Variants in TNNI3K observed in about 807,000 individuals in gnomAD.
TNNI3K encodes serine/threonine-protein kinase TNNI3K.
TNNI3K carries 140 observed loss-of-function variants against 114.5 expected under a neutral mutation model. That is an observed-to-expected ratio of 1.22 (90% CI 1.07 to 1.41). The LOEUF (loss-of-function observed/expected upper bound fraction) is 1.41. Among genes scored for constraint, TNNI3K ranks in the 40% most tolerant of loss-of-function variants. The pLI, the probability that TNNI3K is intolerant of heterozygous loss-of-function variation, is 0.00. For missense variants in TNNI3K, 1,125 were observed against 1,007.6 expected, an observed-to-expected ratio of 1.12 and a Z score of -1.58; for synonymous variants, 347 against 347.5, an observed-to-expected ratio of 1.00 and a Z score of 0.02.
intron 23 of TNNI3K, 84 bp from the exon 24 acceptor site, chr1:74,540,150 A>T: frequency 6.9e-7 from 1 of 1,439,862 alleles, no homozygotes; most frequent in Non-Finnish European, 9.5e-7. Flanking sequence ...TCTGGGATCT[A>T]TGTTGAGTGG....
intron 5 of TNNI3K, among the ~76,000 whole-genome samples, chr1:74,286,694 A>C (rs78684693): frequency 0.044 from 6,702 of 151,412 alleles, 194 homozygotes; most frequent in Non-Finnish European, 0.054. Flanking sequence ...TGGCAAGCCC[A>C]CTGCAAACCC....
intron 17 of TNNI3K, among the ~76,000 whole-genome samples, chr1:74,388,352 A>G (rs1663596233): frequency 6.6e-6 from 1 of 152,214 alleles, no homozygotes; most frequent in Non-Finnish European, 1.5e-5. Flanking sequence ...TGATGGCCAC[A>G]ATATGCTTTG....
chr1:74,435,181 T>G (rs895124178), intron 17 of TNNI3K, among the ~76,000 whole-genome samples: 2 of 152,106 alleles, frequency 1.3e-5, no homozygotes, highest in Admixed American at 1.3e-4. Flanking sequence ...TATGCATGTC[T>G]GTAAAATAGT....
At chr1:74,294,112 A>C (rs1206916948) in intron 5 of TNNI3K, among the ~76,000 whole-genome samples, 1 of 151,726 alleles carries the variant, frequency 6.6e-6, no homozygotes, top group Non-Finnish European at 1.5e-5. Flanking sequence ...TTTACAAATA[A>C]AAATTATATA....
intron 20 of TNNI3K, among the ~76,000 whole-genome samples, chr1:74,444,630 G>A (rs1277496446): frequency 1.3e-5 from 2 of 152,032 alleles, no homozygotes; most frequent in Non-Finnish European, 1.5e-5. Flanking sequence ...TAGATCCAAT[G>A]CTATTACCAT....
At chr1:74,242,875 A>C (rs114134414) in intron 2 of TNNI3K, among the ~76,000 whole-genome samples, 5,096 of 151,400 alleles carry the variant, frequency 0.034, 128 homozygotes, top group Admixed American at 0.065. Flanking sequence ...ATCTCTCCCT[A>C]TTGTTCTCCC....
intron 17 of TNNI3K, among the ~76,000 whole-genome samples, chr1:74,428,107 A>G (rs1318893853): frequency 6.6e-6 from 1 of 152,064 alleles, no homozygotes; most frequent in East Asian, 1.9e-4. Context: ...AGGAAAAATC[A>G]AGGTTCTACA....
At chr1:74,450,985 A>T (rs1666966207) in intron 20 of TNNI3K, among the ~76,000 whole-genome samples, 1 of 152,224 alleles carries the variant, frequency 6.6e-6, no homozygotes, top group Admixed American at 6.5e-5. Flanking sequence ...AATAGCAAAG[A>T]GATGGAATCA....
At chr1:74,502,064 A>G (rs1010013763) in intron 23 of TNNI3K, among the ~76,000 whole-genome samples, 1 of 152,110 alleles carries the variant, frequency 6.6e-6, no homozygotes, top group South Asian at 2.1e-4. Flanking sequence ...CCTTGCTTGG[A>G]CCCATGATGT....
intron 17 of TNNI3K, among the ~76,000 whole-genome samples, chr1:74,397,083 G>GAC (rs1664121640): frequency 1.3e-5 from 2 of 152,148 alleles, no homozygotes; most frequent in African/African-American, 4.8e-5. Flanking sequence ...GCTGAAAGTT[G>GAC]TTGATGAAAG....
At chr1:74,535,548 C>T (rs1273517936) in intron 23 of TNNI3K, among the ~76,000 whole-genome samples, 3 of 152,108 alleles carry the variant, frequency 2.0e-5, no homozygotes, top group Non-Finnish European at 4.4e-5. Context: ...ATCTTGTGAC[C>T]TCCAGGTAGG....
At chr1:74,480,675 G>A (rs941839848) in intron 21 of TNNI3K, 8 of 717,160 alleles carry the variant, frequency 1.1e-5, no homozygotes, top group Non-Finnish European at 2.1e-5. Context: ...CTTGTGTTTC[G>A]GAACCAAGAC....
chr1:74,506,434 T>C (rs1035378315), intron 23 of TNNI3K, among the ~76,000 whole-genome samples: 2 of 152,168 alleles, frequency 1.3e-5, no homozygotes, highest in Admixed American at 6.5e-5. Flanking sequence ...CCAAAGCCCA[T>C]GATTTTTTTA....
At chr1:74,398,110 G>A (rs1456425656) in intron 17 of TNNI3K, among the ~76,000 whole-genome samples, 2 of 152,238 alleles carry the variant, frequency 1.3e-5, no homozygotes, top group Non-Finnish European at 2.9e-5. Context: ...TATAGATGCT[G>A]TAGGAAACAG....
At chr1:74,422,106 A>G (rs1038286817) in intron 17 of TNNI3K, among the ~76,000 whole-genome samples, 1 of 151,894 alleles carries the variant, frequency 6.6e-6, no homozygotes, top group Admixed American at 6.6e-5. Flanking sequence ...CTTTAGAGCC[A>G]TAATGTGCTA....
intron 23 of TNNI3K, among the ~76,000 whole-genome samples, chr1:74,523,979 T>G (rs1014831924): frequency 8.6e-5 from 13 of 151,530 alleles, no homozygotes; most frequent in African/African-American, 2.7e-4. Flanking sequence ...TGTGCCCATA[T>G]GGAGAACAAG....
chr1:74,498,129 A>G (rs753375182), intron 23 of TNNI3K, among the ~76,000 whole-genome samples: 2 of 152,254 alleles, frequency 1.3e-5, no homozygotes, highest in Admixed American at 6.5e-5. Context: ...ACAAAATGAC[A>G]ATAGCATTCT....
intron 5 of TNNI3K, among the ~76,000 whole-genome samples, chr1:74,312,537 A>G (rs1659052130): frequency 6.6e-6 from 1 of 152,254 alleles, no homozygotes; most frequent in South Asian, 2.1e-4. Flanking sequence ...CTGGAAGATG[A>G]CAATGAGATC....
intron 23 of TNNI3K, among the ~76,000 whole-genome samples, chr1:74,521,601 T>G (rs1488871660): frequency 6.6e-6 from 1 of 152,168 alleles, no homozygotes; most frequent in Non-Finnish European, 1.5e-5. Flanking sequence ...CTGCGTTCCT[T>G]TATTTAGCAA....
Sources: gnomAD v4.1 joint callset for allele counts (sites outside exome capture counted in the v4.1 genomes callset) on GRCh38, gnomAD v4.1.1 for gene constraint, MANE v1.5 for transcripts, NCBI Gene and HGNC (gene_info 2026-07-23, HGNC 2026-07-21) for gene names.